TRRAP: variants seen among roughly 807,000 people sequenced by gnomAD.
The protein encoded by TRRAP is transformation/transcription domain-associated protein.
A neutral mutation model predicts 438.8 loss-of-function variants in TRRAP; 41 were observed. The observed-to-expected ratio is 0.09, with a 90% CI of 0.07 to 0.12. The LOEUF (loss-of-function observed/expected upper bound fraction) is 0.12. Among genes scored for constraint, TRRAP ranks in the 10% least tolerant of loss-of-function variants. TRRAP has a pLI of 1.00. For synonymous variants in TRRAP, 1,994 were observed against 1,962.9 expected, an observed-to-expected ratio of 1.02 and a Z score of -0.42; for missense variants, 3,122 against 5,055.1, an observed-to-expected ratio of 0.62 and a Z score of 11.60.
chr7:98,972,109 C>T (rs370794601), intron 53 of TRRAP, among the ~76,000 whole-genome samples, 164 bp downstream of exon 53: 18 of 152,318 alleles, frequency 1.2e-4, no homozygotes, highest in African/African-American at 4.3e-4. Context: ...GTGGCGCAGT[C>T]GCACCTCACT....
Position 98,910,217 on chromosome 7 carries a change from T to TTCCCCCCCCCCCCCCCCCCCCCCC in TRRAP, c.1512_1513insTCCCCCCCCCCCCCCCCCCCCCCC (p.Pro504_Ala505insSerProProProProProProPro). 2.9e-6 allele frequency: 3 copies of TTCCCCCCCCCCCCCCCCCCCCCCC among 1,045,586 alleles called. No homozygotes were observed. The highest frequency in any genetic ancestry group is 1.7e-5 in the South Asian group (1 of 57,706). 64.8% of individuals were successfully genotyped at this position (1,045,586 alleles called of 1,614,324 possible). Reference sequence around the variant, plus strand: ...CTGCTCCCTCCCCAGCCCCTGTCCCTGCCCCACCTCCACCCCCGCCCCCAC... The same window carrying TTCCCCCCCCCCCCCCCCCCCCCCC: ...CTGCTCCCTCCCCAGCCCCTGTCCCTTCCCCCCCCCCCCCCCCCCCCCCCGCCCCACCTCCACCCCCGCCCCCAC... On this transcript the variant is annotated inframe_insertion, in exon 15 of 73. Coordinates refer to ENST00000456197, the MANE Select transcript of TRRAP (RefSeq NM_001375524.1).
In TRRAP at chr7:99,011,465, T is replaced by G. The variant is rs1165877438; in HGVS notation, c.11267T>G (p.Ile3756Ser). The change falls in exon 72 of 73, where the codon ATC becomes AGC. Residue 3756 changes from isoleucine to serine, a missense_variant. By Grantham distance (142) the Ile-to-Ser change is moderately radical. Coordinates refer to ENST00000456197, the MANE Select transcript of TRRAP (RefSeq NM_001375524.1). The surrounding 1 kb of genome is among the most constrained non-coding windows in gnomAD (Gnocchi z 7.1). The part of the protein sequence containing the change: ...TPNISEFLTT[I>S]GVSGPLTASM... ...AACATTTCTGAGTTTCTGACCACCA[T>G]CGGGGTCTCCGGCCCGTTGACAGCG... The G allele has an allele frequency of 6.2e-7, 1 of 1,614,150 alleles. No homozygotes were observed. The highest frequency in any genetic ancestry group is 8.5e-7 in the Non-Finnish European group (1 of 1,180,060).
intron 69 of TRRAP, among the ~76,000 whole-genome samples, chr7:99,006,314 C>T (rs975267588): frequency 3.9e-5 from 6 of 152,204 alleles, no homozygotes; most frequent in Non-Finnish European, 7.3e-5. Context: ...TGATCAGCCC[C>T]TTTTGACCTG....
rs370592886 is a variant in TRRAP, at chr7:98,927,207, C to T, written c.3016C>T (p.Arg1006Cys). ...CATCCCCAATGTTATCATCTCACAT[C>T]GCTACAAAGCCCAGGACACTCCAGC... is the stretch of plus-strand genomic sequence containing the variant. ...KTIPNVIISH[R>C]YKAQDTPARK... Residue 1006 changes from arginine (R) to cysteine (C), a missense_variant, in exon 23 of 73, where the codon CGC becomes TGC. This residue lies in a region of TRRAP where 133 missense variants were observed against 188.6 expected (regional missense o/e 0.71). Transcript: ENST00000456197. The T allele has an allele frequency of 6.2e-7, 1 of 1,614,220 alleles. No homozygotes were observed. Among genetic ancestry groups the T allele is most frequent in the Non-Finnish European group, 8.5e-7 (1 of 1,180,042 alleles).
intron 4 of TRRAP, 126 bp from the exon 5 acceptor site, chr7:98,892,298 T>C: frequency 1.3e-6 from 1 of 765,428 alleles, no homozygotes; most frequent in Non-Finnish European, 2.1e-6. Context: ...GTCCATTTTG[T>C]AGGATGGTGG....
At chr7:99,006,954 G>A (rs561230213) in intron 69 of TRRAP, among the ~76,000 whole-genome samples, 1 of 152,202 alleles carries the variant, frequency 6.6e-6, no homozygotes, top group African/African-American at 2.4e-5. Flanking sequence ...TGGAGTGGTC[G>A]CCCAGCGCTC....
rs1791173300 is a variant in TRRAP at position 98,948,165 on chromosome 7, C to T, written c.4549-56C>T. On this transcript the variant is annotated intron_variant, in intron 33 of 72. Coordinates refer to ENST00000456197, the MANE Select transcript of TRRAP (RefSeq NM_001375524.1). This position sits in a 1 kb window ranked among gnomAD's most constrained non-coding sequence, Gnocchi z 4.9. ...TAGTAGGGTCTGTAGTGACGTTGAC[C>T]TCTGTCACTTGCAAAATTAATCGAC... 3.7e-6 allele frequency: 6 copies of T among 1,608,516 alleles called. No homozygotes were observed. The highest frequency in any genetic ancestry group is 2.7e-5 in the African/African-American group (2 of 74,908).
intron 12 of TRRAP, among the ~76,000 whole-genome samples, chr7:98,904,684 G>A (rs1554407238): frequency 6.6e-5 from 10 of 152,102 alleles, no homozygotes. Flanking sequence ...TCAGCTTTTA[G>A]TCTTCCCTTT....
At chr7:98,941,496 C>T (rs1251443639) in intron 30 of TRRAP, among the ~76,000 whole-genome samples, 3 of 152,128 alleles carry the variant, frequency 2.0e-5, no homozygotes, top group African/African-American at 7.2e-5. Flanking sequence ...TGAATATTTC[C>T]TCATCAAACT....
intron 10 of TRRAP, among the ~76,000 whole-genome samples, chr7:98,900,179 C>G (rs1316151054): frequency 6.6e-6 from 1 of 151,598 alleles, no homozygotes; most frequent in Non-Finnish European, 1.5e-5. Context: ...CTCGGTGAAG[C>G]CTTTTCTCAA....
In TRRAP at chr7:99,005,178, G is replaced by A; in HGVS notation, c.10583G>A (p.Arg3528Gln). 3 of 1,613,998 alleles carry A rather than the reference G, an allele frequency of 1.9e-6. No individual in the cohort carries two copies. Among genetic ancestry groups the A allele is most frequent in the South Asian group, 2.2e-5 (2 of 91,074 alleles). ...EIVQKHNTAA[R>Q]RLYIRGHNGK... ...GTGCAGAAGCACAACACCGCAGCCC[G>A]GCGGCTGTACATCCGGGGACACAAT... The change falls in exon 69 of 73, where the codon CGG becomes CAG. Residue 3528 changes from arginine to glutamine, a missense_variant. Around this residue, in one of 24 missense-constraint regions of TRRAP, gnomAD observed 95 missense variants for 144.1 expected, o/e 0.66. Transcript: ENST00000456197. The surrounding 1 kb of genome is among the most constrained non-coding windows in gnomAD (Gnocchi z 5.1).
chr7:98,973,050 G>A (rs940230588), intron 53 of TRRAP, among the ~76,000 whole-genome samples: 1 of 152,100 alleles, frequency 6.6e-6, no homozygotes, highest in Non-Finnish European at 1.5e-5. Flanking sequence ...TGCAATCTCG[G>A]CTCACAGCAA....
At chr7:98,997,029 G>A (rs1793693931) in intron 67 of TRRAP, among the ~76,000 whole-genome samples, 1 of 151,970 alleles carries the variant, frequency 6.6e-6, no homozygotes, top group Non-Finnish European at 1.5e-5. Flanking sequence ...GTTCTTGGTG[G>A]GCACGGTGGC....
At position 98,904,593 on chromosome 7, in the gene TRRAP, A is replaced by G. The variant is rs115279091; in HGVS notation, c.1036+1076A>G. Among the ~76,000 whole-genome samples the G allele has an allele frequency of 9.0e-3, 1,366 of 152,036 alleles. 27 individuals carry two copies. The highest frequency in any genetic ancestry group is 0.032 in the African/African-American group (1,318 of 41,452). On this transcript the variant is annotated intron_variant, in intron 12 of 72. Transcript: ENST00000456197. ...GAAGGCATAAAGCTTGGTTTTAATCAGTGTTCACAGCTGCTAGCCAGAATT... is the reference window on the plus strand; with the variant it reads ...GAAGGCATAAAGCTTGGTTTTAATCGGTGTTCACAGCTGCTAGCCAGAATT...
intron 41 of TRRAP, 147 bp downstream of exon 41, chr7:98,955,451 G>A: frequency 1.2e-6 from 1 of 837,296 alleles, no homozygotes; most frequent in Non-Finnish European, 1.8e-6. Context: ...GTGTATGTGT[G>A]TATGGCTTTA....
chr7:98,976,050 C>A lies in TRRAP; in HGVS notation c.7840-99C>A. ...TGAAACTTTGAAAGTGGAGGAGCAT[C>A]GGTAATGTATGAGACAGATCATGGG... On this transcript the variant is annotated intron_variant, in intron 53 of 72. Coordinates refer to ENST00000456197, the MANE Select transcript of TRRAP (RefSeq NM_001375524.1). The surrounding 1 kb of genome is among the most constrained non-coding windows in gnomAD (Gnocchi z 4.6). 1 of 1,411,250 alleles carries A rather than the reference C, an allele frequency of 7.1e-7. No individual in the cohort carries two copies. The highest frequency in any genetic ancestry group is 9.5e-7 in the Non-Finnish European group (1 of 1,048,662). 87.4% of individuals were successfully genotyped at this position (1,411,250 alleles called of 1,614,324 possible). A position where few individuals can be genotyped will look rare whatever the true frequency, so the allele number is the denominator to read the frequency against.
intron 11 of TRRAP, among the ~76,000 whole-genome samples, chr7:98,902,629 C>G (rs1005687262): frequency 9.9e-5 from 15 of 152,132 alleles, no homozygotes; most frequent in Middle Eastern, 3.4e-3. Context: ...TTAGGTACCC[C>G]TTGACATTTT....
At chr7:98,924,629 C>T (rs1351286371) in intron 21 of TRRAP, among the ~76,000 whole-genome samples, 4 of 139,428 alleles carry the variant, frequency 2.9e-5, no homozygotes, top group Non-Finnish European at 6.0e-5. Context: ...GCAGAGCTTG[C>T]AGTGAGCGGA....
Position 98,976,239 on chromosome 7 carries a change from T to C in TRRAP, c.7930T>C (p.Trp2644Arg), listed in dbSNP as rs928348130. The C allele has an allele frequency of 6.2e-7, 1 of 1,614,220 alleles. No individual in the cohort carries two copies. Among genetic ancestry groups the C allele is most frequent in the Non-Finnish European group, 8.5e-7 (1 of 1,180,030 alleles). ...KTWVQLFPRL[W>R]KILSDRQQHA... is the part of the protein sequence containing the mutation. ...GTGGGTCCAGCTTTTCCCCAGATTGTGGAAGATCCTCTCTGACAGACAGCA... is the reference window on the plus strand; with the variant it reads ...GTGGGTCCAGCTTTTCCCCAGATTGCGGAAGATCCTCTCTGACAGACAGCA... The change falls in exon 54 of 73, where the codon TGG (tryptophan) becomes CGG (arginine). Residue 2644 changes from tryptophan to arginine, a missense_variant. Trp to Arg is a moderately radical substitution (Grantham distance 101). Coordinates refer to ENST00000456197, the MANE Select transcript of TRRAP (RefSeq NM_001375524.1). This position sits in a 1 kb window ranked among gnomAD's most constrained non-coding sequence, Gnocchi z 4.6.
Sources: gnomAD v4.1 joint callset for allele counts (sites outside exome capture counted in the v4.1 genomes callset) on GRCh38, gnomAD v4.1.1 for gene constraint, gnomAD v4.1.1 regional missense constraint, Gnocchi (gnomAD v3.1) non-coding constraint, MANE v1.5 for transcripts, NCBI Gene and HGNC (gene_info 2026-07-23, HGNC 2026-07-21) for gene names.